The following CPNE2 variants were observed in gnomAD, a reference collection of about 807,000 sequenced individuals.
CPNE2 encodes the protein copine-2.
In CPNE2, 42 loss-of-function variants were observed where a neutral mutation model predicts 69.7. That is an observed-to-expected ratio of 0.60 (90% CI 0.47 to 0.78). CPNE2 has a LOEUF of 0.78. Ranked by LOEUF, CPNE2 falls within the 30% of genes least tolerant of loss-of-function variation. The probability of loss-of-function intolerance (pLI) is 0.00; values close to 1 mark genes in which losing one functional copy is unlikely to be tolerated. For synonymous variants in CPNE2, 294 were observed against 289.8 expected (o/e 1.01, Z -0.15); for missense variants, 587 against 732.0 (o/e 0.80, Z 2.29).
At position 57,120,934 on chromosome 16, in the gene CPNE2, T is replaced by G. The variant is rs538924875; in HGVS notation, c.682-159T>G. On this transcript the variant is annotated intron_variant, in intron 7 of 15. Coordinates refer to ENST00000290776, the MANE Select transcript of CPNE2 (RefSeq NM_152727.6). ...TTCCCAGCAATCACAGAAGTCTTCC[T>G]GCAGGAGGCAGTTCAGGAGCTATCC... Among the ~76,000 whole-genome samples, 330 of 152,240 alleles carry G rather than the reference T, an allele frequency of 2.2e-3. 2 individuals carry two copies. The highest frequency in any genetic ancestry group is 7.4e-3 in the African/African-American group (306 of 41,536).
At chr16:57,126,814 C>G (rs2069804378) in intron 11 of CPNE2, among the ~76,000 whole-genome samples, 1 of 152,138 alleles carries the variant, frequency 6.6e-6, no homozygotes. Context: ...GGTGGAGTCC[C>G]AGGTGTCCAG....
chr16:57,100,588 G>A (rs2069607120), intron 1 of CPNE2, among the ~76,000 whole-genome samples: 1 of 152,210 alleles, frequency 6.6e-6, no homozygotes, highest in East Asian at 1.9e-4. Flanking sequence ...AGTGGTATTG[G>A]GCTGGGAGCC....
intron 1 of CPNE2, among the ~76,000 whole-genome samples, chr16:57,093,120 GAGGTGGAGA>G (rs2069554906): frequency 6.6e-5 from 10 of 152,006 alleles, no homozygotes; most frequent in Non-Finnish European, 1.5e-4. Flanking sequence ...GGGCGTACGG[GAGGTGGAGA>G]CCCGCCGCTG....
chr16:57,130,735 C>T lies in CPNE2; in HGVS notation c.1116+2832C>T, dbSNP rs1422085838. Reference sequence around the variant, plus strand: ...CCGTTTCACTGACCATGGCTGGGGCCATTATGGCAGAGACAAGATGGGGAG... The same window carrying T: ...CCGTTTCACTGACCATGGCTGGGGCTATTATGGCAGAGACAAGATGGGGAG... On this transcript the variant is annotated intron_variant, in intron 12 of 15. Transcript: ENST00000290776. The surrounding 1 kb of genome is among the most constrained non-coding windows in gnomAD (Gnocchi z 4.1). Among the ~76,000 whole-genome samples the T allele has an allele frequency of 6.6e-6, 1 of 151,918 alleles. No individual in the cohort carries two copies. The highest frequency in any genetic ancestry group is 1.5e-5 in the Non-Finnish European group (1 of 68,016).
At chr16:57,100,783 A>C (rs1597489296) in intron 1 of CPNE2, among the ~76,000 whole-genome samples, 2 of 152,264 alleles carry the variant, frequency 1.3e-5, no homozygotes, top group Admixed American at 1.3e-4. Context: ...GCATGGCCAC[A>C]CCCACCTTCA....
At chr16:57,108,617 TC>T (rs2069662034) in intron 1 of CPNE2, among the ~76,000 whole-genome samples, 1 of 152,208 alleles carries the variant, frequency 6.6e-6, no homozygotes, top group South Asian at 2.1e-4. Context: ...AAGGGCTGTG[TC>T]CTGATGTCTC....
chr16:57,119,464 G>A lies in CPNE2; in HGVS notation c.592-97G>A, dbSNP rs2069744910. 6.0e-6 allele frequency: 7 copies of A among 1,171,332 alleles called. No individual in the cohort carries two copies. The Admixed American group carries it at 1.2e-4, about 21-fold the overall frequency. The allele number at this position is 1,171,332 out of a possible 1,614,324, so 72.6% of individuals were successfully genotyped here. ...TTCTGTCTCTGGAAGTGTGGCTGTG[G>A]GTCTGCATTTTGTCACCCTGTCCCC... On this transcript the variant is annotated intron_variant, in intron 6 of 15. Transcript: ENST00000290776.
rs1298566742 is a variant in CPNE2, at chr16:57,117,543, G to C, written c.483G>C (p.Leu161=). The change falls in exon 5 of 16, where the codon CTG becomes CTC. Residue 161 remains leucine, a synonymous_variant. Coordinates refer to ENST00000290776, the MANE Select transcript of CPNE2 (RefSeq NM_152727.6). The part of the protein sequence containing the change: ...LSDNRVITLS[L]AGRRLDKKDL... Reference sequence around the variant, plus strand: ...ACAACCGCGTCATCACACTAAGCCTGGCGGGCAGGAGGCTGGACAAGAAGG... The same window carrying C: ...ACAACCGCGTCATCACACTAAGCCTCGCGGGCAGGAGGCTGGACAAGAAGG... 1.9e-6 allele frequency: 3 copies of C among 1,613,968 alleles called. No homozygotes were observed. Among genetic ancestry groups the C allele is most frequent in the South Asian group, 2.2e-5 (2 of 91,034 alleles).
intron 5 of CPNE2, 22 bp from the exon 6 acceptor site, chr16:57,119,173 C>T (rs759031474): frequency 7.5e-6 from 12 of 1,608,184 alleles, no homozygotes; most frequent in Middle Eastern, 1.7e-4. Flanking sequence ...CTCTCTCACC[C>T]GCATCCTCCC....
At chr16:57,134,382 A>G (rs1373422485) in intron 12 of CPNE2, among the ~76,000 whole-genome samples, 3 of 152,184 alleles carry the variant, frequency 2.0e-5, no homozygotes, top group Admixed American at 6.5e-5. Context: ...AGCCCAGAGA[A>G]GCGGTGCTCT....
rs750503322 is a variant in CPNE2, at chr16:57,147,646, G to C, written c.1635G>C (p.Ser545=). ...ATAAAAACCTGCCCCCCACCAACTC[G>C]GAGCCCGCCTGAGCTCCAGTGCCCA... ...FKHKNLPPTN[S]EPA is the part of the protein sequence containing the mutation. The change falls in exon 16 of 16, where the codon TCG becomes TCC. Residue 545 remains serine, a synonymous_variant. Coordinates refer to ENST00000290776, the MANE Select transcript of CPNE2 (RefSeq NM_152727.6). 1 of 1,599,994 alleles carries C rather than the reference G, an allele frequency of 6.3e-7. No homozygotes were observed. The highest frequency in any genetic ancestry group is 8.5e-7 in the Non-Finnish European group (1 of 1,170,554).
chr16:57,128,690 G>A (rs1216049687), intron 12 of CPNE2, among the ~76,000 whole-genome samples: 2 of 152,150 alleles, frequency 1.3e-5, no homozygotes, highest in Non-Finnish European at 2.9e-5. Context: ...TGGACTTTTA[G>A]TGTATTCATC....
intron 2 of CPNE2, 93 bp downstream of exon 2, chr16:57,111,015 TG>T: frequency 8.7e-7 from 1 of 1,146,820 alleles, no homozygotes; most frequent in Non-Finnish European, 1.2e-6. Context: ...GGATGTCTGA[TG>T]GAAGTAGTTG....
chr16:57,133,422 C>T (rs370910565), intron 12 of CPNE2, among the ~76,000 whole-genome samples: 2 of 152,150 alleles, frequency 1.3e-5, no homozygotes, highest in African/African-American at 4.8e-5. Context: ...AAGACCAACT[C>T]CCACCCCCAG....
chr16:57,121,605 G>C (rs1484937837), intron 8 of CPNE2, 69 bp from the exon 9 acceptor site: 2 of 1,475,600 alleles, frequency 1.4e-6, no homozygotes, highest in African/African-American at 2.8e-5. Flanking sequence ...AGGGATTCTA[G>C]GGCCAAGGAG....
In CPNE2 at chr16:57,146,158, A is replaced by G. The variant is rs1342095690; in HGVS notation, c.1376A>G (p.Gln459Arg). Residue 459 changes from glutamine to arginine, a missense_variant, in exon 15 of 16, where the codon CAG (glutamine) becomes CGG (arginine). Around this residue, in one of 5 missense-constraint regions of CPNE2, gnomAD observed 185 missense variants for 252.3 expected, o/e 0.73. Transcript: ENST00000290776. This position sits in a 1 kb window ranked among gnomAD's most constrained non-coding sequence, Gnocchi z 4.4. Reference protein sequence around the residue: ...DMEETRHAVVQASKLPMSIII... With the variant: ...DMEETRHAVVRASKLPMSIII... Reference sequence around the variant, plus strand: ...GAGGAGACACGGCATGCCGTGGTGCAGGCTTCCAAGCTGCCCATGTCCATC... The same window carrying G: ...GAGGAGACACGGCATGCCGTGGTGCGGGCTTCCAAGCTGCCCATGTCCATC... 1 of 1,587,446 alleles carries G rather than the reference A, an allele frequency of 6.3e-7. No individual in the cohort carries two copies. Among genetic ancestry groups the G allele is most frequent in the Non-Finnish European group, 8.6e-7 (1 of 1,165,984 alleles).
intron 11 of CPNE2, among the ~76,000 whole-genome samples, 186 bp downstream of exon 11, chr16:57,126,179 C>T (rs1172409760): frequency 6.6e-6 from 1 of 152,250 alleles, no homozygotes; most frequent in African/African-American, 2.4e-5. Context: ...TGAACTCTAA[C>T]CTGCCAAGCG....
intron 3 of CPNE2, 62 bp from the exon 4 acceptor site, chr16:57,115,414 A>C: frequency 7.2e-7 from 1 of 1,387,808 alleles, no homozygotes; most frequent in Non-Finnish European, 1.0e-6. Context: ...CCGGTGGAGG[A>C]TTTTTCCTTC....
intron 1 of CPNE2, among the ~76,000 whole-genome samples, chr16:57,098,303 G>A (rs113008917): frequency 6.7e-4 from 102 of 152,352 alleles, no homozygotes; most frequent in South Asian, 1.7e-3. Flanking sequence ...CTGTTGGAGT[G>A]TGGTGTCTTT....
Sources: gnomAD v4.1 joint callset for allele counts (sites outside exome capture counted in the v4.1 genomes callset) on GRCh38, gnomAD v4.1.1 for gene constraint, gnomAD v4.1.1 regional missense constraint, Gnocchi (gnomAD v3.1) non-coding constraint, MANE v1.5 for transcripts, NCBI Gene and HGNC (gene_info 2026-07-23, HGNC 2026-07-21) for gene names.